Variants in PTPRD observed in about 807,000 individuals in gnomAD.
The protein encoded by PTPRD is receptor-type tyrosine-protein phosphatase delta.
Under a neutral mutation model 214.5 loss-of-function variants are expected in PTPRD, and 34 were observed. That is an observed-to-expected ratio of 0.16 (90% CI 0.12 to 0.21). The LOEUF (loss-of-function observed/expected upper bound fraction) is 0.21, where lower values mean the gene tolerates loss of function less well. Among genes scored for constraint, PTPRD ranks in the 10% least tolerant of loss-of-function variants. PTPRD has a pLI of 1.00. For synonymous variants in PTPRD, 1,128 were observed against 845.7 expected, an observed-to-expected ratio of 1.33 and a Z score of -5.79; for missense variants, 2,545 against 2,398.7, an observed-to-expected ratio of 1.06 and a Z score of -1.27.
In PTPRD at chr9:9,816,329, C is replaced by T. The variant is rs146043580; in HGVS notation, c.-367-49478G>A. ...AATAAAGACCTATAATGTATATTGC[C>T]ACATTAAAACAAACAAAAATCATCT... On this transcript the variant is annotated intron_variant, in intron 5 of 45. Coordinates refer to ENST00000381196, the MANE Select transcript of PTPRD (RefSeq NM_002839.4). Among the ~76,000 whole-genome samples the T allele has an allele frequency of 2.6e-5, 4 of 151,924 alleles. No homozygotes were observed. In the East Asian group the frequency reaches 7.7e-4, roughly 29 times the overall value.
chr9:8,813,130 T>C (rs993603749), intron 11 of PTPRD, among the ~76,000 whole-genome samples: 2 of 152,122 alleles, frequency 1.3e-5, no homozygotes, highest in Admixed American at 6.6e-5. Context: ...GTATAATAAA[T>C]GGGGCTCCAA....
intron 7 of PTPRD, among the ~76,000 whole-genome samples, chr9:9,644,055 T>C (rs1360793468): frequency 1.3e-5 from 2 of 152,284 alleles, no homozygotes; most frequent in East Asian, 3.9e-4. Context: ...AAAATGCTGG[T>C]CCCTCAAAGT....
chr9:10,108,279 A>G (rs780413291), intron 3 of PTPRD, among the ~76,000 whole-genome samples: 10 of 152,160 alleles, frequency 6.6e-5, no homozygotes, highest in Non-Finnish European at 1.5e-4. Flanking sequence ...CAAGCCAATT[A>G]ACATATACGT....
intron 3 of PTPRD, among the ~76,000 whole-genome samples, chr9:10,168,862 A>G (rs1210876866): frequency 6.6e-6 from 1 of 152,212 alleles, no homozygotes. Context: ...GCTAGCAATT[A>G]AATCTAAAAT....
At chr9:9,582,146 C>T in intron 7 of PTPRD, among the ~76,000 whole-genome samples, 1 of 152,008 alleles carries the variant, frequency 6.6e-6, no homozygotes, top group East Asian at 1.9e-4. Flanking sequence ...CCCTCAACAT[C>T]CATCTTACTT....
At chr9:8,935,031 A>T (rs2098987356) in intron 11 of PTPRD, among the ~76,000 whole-genome samples, 1 of 152,148 alleles carries the variant, frequency 6.6e-6, no homozygotes, top group African/African-American at 2.4e-5. Context: ...ACACACAGAG[A>T]GATATATGTA....
At chr9:9,652,493 T>C (rs1316737597) in intron 7 of PTPRD, among the ~76,000 whole-genome samples, 4 of 152,170 alleles carry the variant, frequency 2.6e-5, no homozygotes, top group African/African-American at 9.7e-5. Context: ...TACTATAATT[T>C]CAATAGGCTC....
rs568885114 is a variant in PTPRD at position 10,017,274 on chromosome 9, C to A, written c.-472+16444G>T. 1.3e-3 allele frequency among the ~76,000 whole-genome samples: 196 copies of A among 151,896 alleles called. 3 individuals are homozygous for A. Among genetic ancestry groups the A allele is most frequent in the Middle Eastern group, 3.4e-3 (1 of 294 alleles). On this transcript the variant is annotated intron_variant, in intron 4 of 45. Coordinates refer to ENST00000381196, the MANE Select transcript of PTPRD (RefSeq NM_002839.4). ...ATTAACTTGTAAAATTTGTCCATTT[C>A]TTTGTCCATTTATTTTATCTTTTTT...
intron 8 of PTPRD, among the ~76,000 whole-genome samples, chr9:9,417,271 T>A (rs1473372534): frequency 2.0e-5 from 3 of 152,176 alleles, no homozygotes; most frequent in East Asian, 3.8e-4. Context: ...AGAGTTTTAA[T>A]CTTAAAGTCT....
intron 3 of PTPRD, among the ~76,000 whole-genome samples, chr9:10,201,971 G>C (rs2099428080): frequency 6.6e-6 from 1 of 151,584 alleles, no homozygotes; most frequent in Non-Finnish European, 1.5e-5. Context: ...CTGAATTATT[G>C]TTTTCAATTA....
intron 11 of PTPRD, among the ~76,000 whole-genome samples, chr9:8,980,411 G>C (rs533938660): frequency 1.3e-5 from 2 of 151,982 alleles, no homozygotes; most frequent in Non-Finnish European, 2.9e-5. Flanking sequence ...CAGAAACTAC[G>C]TAAGATGATA....
At chr9:9,425,890 C>G (rs868414081) in intron 8 of PTPRD, among the ~76,000 whole-genome samples, 2 of 151,880 alleles carry the variant, frequency 1.3e-5, no homozygotes, top group South Asian at 2.1e-4. Flanking sequence ...ATGAATGCAA[C>G]AATAAAAAGA....
rs187267359 is a variant in PTPRD, at chr9:10,273,258, C to G, written c.-545+67705G>C. 5.3e-4 allele frequency among the ~76,000 whole-genome samples: 81 copies of G among 152,226 alleles called. 1 individual carries two copies. Among genetic ancestry groups the G allele is most frequent in the Admixed American group, 4.4e-3 (68 of 15,298 alleles). On this transcript the variant is annotated intron_variant, in intron 3 of 45. Coordinates refer to ENST00000381196, the MANE Select transcript of PTPRD (RefSeq NM_002839.4). Reference sequence around the variant, plus strand: ...GCATCTGTGTCCCTCTTTGGCTCCTCAGTTTATAGATCTCTGATTTCATAT... The same window carrying G: ...GCATCTGTGTCCCTCTTTGGCTCCTGAGTTTATAGATCTCTGATTTCATAT...
At chr9:8,382,851 A>G (rs952393113) in intron 37 of PTPRD, among the ~76,000 whole-genome samples, 11 of 152,232 alleles carry the variant, frequency 7.2e-5, no homozygotes, top group African/African-American at 2.7e-4. Flanking sequence ...GATAGGCAGC[A>G]CTTTAGGCTG....
At chr9:10,584,540 C>T (rs2073255888) in intron 2 of PTPRD, among the ~76,000 whole-genome samples, 1 of 152,126 alleles carries the variant, frequency 6.6e-6, no homozygotes, top group East Asian at 1.9e-4. Context: ...CTTTGAAAGC[C>T]AGTGGTGAAC....
At chr9:10,402,312 A>G (rs2098282175) in intron 2 of PTPRD, among the ~76,000 whole-genome samples, 1 of 151,656 alleles carries the variant, frequency 6.6e-6, no homozygotes, top group Non-Finnish European at 1.5e-5. Flanking sequence ...ACTTCTATGA[A>G]CTCTCTGGGA....
At chr9:9,008,923 T>C (rs78203710) in intron 11 of PTPRD, among the ~76,000 whole-genome samples, 4,548 of 152,236 alleles carry the variant, frequency 0.03, 237 homozygotes, top group African/African-American at 0.1. Flanking sequence ...TTTATATCAT[T>C]GAGCTTGTTG....
At chr9:10,536,047 A>G (rs1354355223) in intron 2 of PTPRD, among the ~76,000 whole-genome samples, 1 of 152,150 alleles carries the variant, frequency 6.6e-6, no homozygotes, top group Non-Finnish European at 1.5e-5. Flanking sequence ...CAAACCTCTT[A>G]CAGCGGAATC....
intron 5 of PTPRD, among the ~76,000 whole-genome samples, chr9:9,869,788 A>T (rs935465793): frequency 6.6e-6 from 1 of 152,014 alleles, no homozygotes; most frequent in South Asian, 2.1e-4. Flanking sequence ...CATTAAAAAA[A>T]ATACAGAGGA....
Sources: allele counts gnomAD v4.1 joint callset (sites outside exome capture counted in the v4.1 genomes callset), GRCh38; gene constraint gnomAD v4.1.1; transcripts MANE v1.5; gene names NCBI Gene and HGNC (gene_info 2026-07-23, HGNC 2026-07-21).